PPIP5K2: variants seen among roughly 807,000 people sequenced by gnomAD.
The protein encoded by PPIP5K2 is inositol hexakisphosphate and diphosphoinositol-pentakisphosphate kinase 2.
A neutral mutation model predicts 154.6 loss-of-function variants in PPIP5K2; 105 were observed. The observed-to-expected ratio is 0.68, with a 90% CI of 0.58 to 0.80. The LOEUF (loss-of-function observed/expected upper bound fraction) is 0.80. Ranked by LOEUF, PPIP5K2 falls within the 30% of genes least tolerant of loss-of-function variation. PPIP5K2 has a pLI of 0.00. For missense variants in PPIP5K2, 992 were observed against 1,504.6 expected, an observed-to-expected ratio of 0.66 and a Z score of 5.64; for synonymous variants, 480 against 490.3, an observed-to-expected ratio of 0.98 and a Z score of 0.28.
intron 17 of PPIP5K2, among the ~76,000 whole-genome samples, chr5:103,159,626 G>A (rs1205195289): frequency 6.6e-6 from 1 of 151,722 alleles, no homozygotes; most frequent in African/African-American, 2.4e-5. Flanking sequence ...CTAATTTTTG[G>A]CTTTTTTCTA....
chr5:103,188,497 A>T (rs1554225845), intron 28 of PPIP5K2: 1 of 152,140 alleles, frequency 6.6e-6, no homozygotes, highest in Non-Finnish European at 1.5e-5. Flanking sequence ...ATCCTCAACA[A>T]GTAAAAATTT....
chr5:103,211,523 C>T lies in PPIP5K2; in HGVS notation c.*9889C>T, dbSNP rs192874440. 9 of 152,164 alleles carry T rather than the reference C, an allele frequency of 5.9e-5. No individual in the cohort carries two copies. The highest frequency in any genetic ancestry group is 2.2e-4 in the African/African-American group (9 of 41,528). The allele number at this position is 152,164 out of a possible 1,614,324, so 9.4% of individuals were successfully genotyped here. A position where few individuals can be genotyped will look rare whatever the true frequency, so the allele number is the denominator to read the frequency against. ...GTTTGTAATGTTAGCCTTGGAGATT[C>T]TACCTTAAAAATATCATTGAGAAAG... On this transcript the variant is annotated 3_prime_UTR_variant, in exon 31 of 31. Coordinates refer to ENST00000358359, the MANE Select transcript of PPIP5K2 (RefSeq NM_001276277.3).
At position 103,180,144 on chromosome 5, in the gene PPIP5K2, A is replaced by G. The variant is rs1554222178; in HGVS notation, c.2878A>G (p.Arg960Gly). The G allele has an allele frequency of 1.9e-6, 3 of 1,600,666 alleles. No homozygotes were observed. The highest frequency in any genetic ancestry group is 1.7e-5 in the Admixed American group (1 of 57,612). The change falls in exon 24 of 31, where the codon AGG becomes GGG. Residue 960 changes from arginine to glycine, a missense_variant. Transcript: ENST00000358359. ...GGTATCAGAGCCAATTCATATACACAGGAAGTCTCCACTTCCAAGATCTAG... is the reference window on the plus strand; with the variant it reads ...GGTATCAGAGCCAATTCATATACACGGGAAGTCTCCACTTCCAAGATCTAG... ...PMVSEPIHIH[R>G]KSPLPRSRKT...
chr5:103,194,374 G>A (rs868929712), intron 29 of PPIP5K2, among the ~76,000 whole-genome samples: 41 of 152,098 alleles, frequency 2.7e-4, no homozygotes, highest in South Asian at 2.1e-4. Context: ...GGCTGGTCTT[G>A]AACTCCTGGG....
rs782523215 is a variant in PPIP5K2 at position 103,177,808 on chromosome 5, CATAA to C, written c.2637+40_2637+43del. The C allele has an allele frequency of 4.4e-6, 7 of 1,593,962 alleles. No homozygotes were observed. The South Asian group carries it at 7.8e-5, about 18-fold the overall frequency. ...AGCTCTTGATTTGTGTTTTACCAGA[CATAA>C]ATAAAGAGCTTAAAGTTTCTCATTT... is the stretch of plus-strand genomic sequence containing the variant. On this transcript the variant is annotated intron_variant, in intron 22 of 30. Transcript: ENST00000358359.
rs112856077 is a variant in PPIP5K2 at position 103,199,577 on chromosome 5, A to T, written c.3620-1945A>T. On this transcript the variant is annotated intron_variant, in intron 30 of 30. Coordinates refer to ENST00000358359, the MANE Select transcript of PPIP5K2 (RefSeq NM_001276277.3). ...TGCTTGCTTTCAATGTTTTCTCTTTATCTTTGCTTTTCAGCAGGTTGACTA... is the reference window on the plus strand; with the variant it reads ...TGCTTGCTTTCAATGTTTTCTCTTTTTCTTTGCTTTTCAGCAGGTTGACTA... Among the ~76,000 whole-genome samples, 305 of 150,538 alleles carry T rather than the reference A, an allele frequency of 2.0e-3. 2 individuals carry two copies. The highest frequency in any genetic ancestry group is 3.1e-3 in the Non-Finnish European group (212 of 67,628).
At chr5:103,124,311 G>A (rs557560317) in intron 1 of PPIP5K2, among the ~76,000 whole-genome samples, 2 of 151,036 alleles carry the variant, frequency 1.3e-5, no homozygotes, top group Admixed American at 1.3e-4. Context: ...CTTGTACTAC[G>A]ACATATATCC....
rs1389815790 is a variant in PPIP5K2, at chr5:103,210,460, T to C, written c.*8826T>C. 6.6e-6 allele frequency: 1 copy of C among 152,058 alleles called. No homozygotes were observed. Among genetic ancestry groups the C allele is most frequent in the Non-Finnish European group, 1.5e-5 (1 of 67,972 alleles). The allele number at this position is 152,058 out of a possible 1,614,324, so 9.4% of individuals were successfully genotyped here. ...GAAGCCTCTTCAGAAAAGAGCAAAG[T>C]TGTCTGCTCTAATGGATAGAATAAG... On this transcript the variant is annotated 3_prime_UTR_variant, in exon 31 of 31. Coordinates refer to ENST00000358359, the MANE Select transcript of PPIP5K2 (RefSeq NM_001276277.3).
In PPIP5K2 at chr5:103,138,415, G is replaced by A. The variant is rs782190045; in HGVS notation, c.433G>A (p.Gly145Ser). The change falls in exon 5 of 31, where the codon GGT becomes AGT. Residue 145 changes from glycine (G) to serine (S), a missense_variant. By Grantham distance (56) the Gly-to-Ser change is moderately conservative (BLOSUM62 0). Transcript: ENST00000358359. ...REVYSILQAE[G>S]ILLPRYAILN... is the part of the protein sequence containing the mutation. Reference sequence around the variant, plus strand: ...AGTATATAGTATTCTTCAAGCTGAAGGTATTTTACTTCCTCGTTATGCTAT... The same window carrying A: ...AGTATATAGTATTCTTCAAGCTGAAAGTATTTTACTTCCTCGTTATGCTAT... The A allele has an allele frequency of 1.9e-6, 3 of 1,604,466 alleles. No individual in the cohort carries two copies. The highest frequency in any genetic ancestry group is 2.6e-6 in the Non-Finnish European group (3 of 1,172,696).
chr5:103,138,415 G>C lies in PPIP5K2; in HGVS notation c.433G>C (p.Gly145Arg), dbSNP rs782190045. Reference protein sequence around the residue: ...REVYSILQAEGILLPRYAILN... With the variant: ...REVYSILQAERILLPRYAILN... ...AGTATATAGTATTCTTCAAGCTGAA[G>C]GTATTTTACTTCCTCGTTATGCTAT... Residue 145 changes from glycine (G) to arginine (R), a missense_variant, in exon 5 of 31, where the codon GGT becomes CGT. Gly to Arg is a moderately radical substitution (Grantham distance 125). Transcript: ENST00000358359. 1.9e-6 allele frequency: 3 copies of C among 1,604,348 alleles called. No individual in the cohort carries two copies. The African/African-American group carries it at 4.0e-5, about 22-fold the overall frequency.
intron 30 of PPIP5K2, 147 bp from the exon 31 acceptor site, chr5:103,201,375 G>A: frequency 1.8e-6 from 1 of 559,520 alleles, no homozygotes; most frequent in South Asian, 2.9e-5. Context: ...AAAGTAAAAG[G>A]TTAAAAATGC....
At chr5:103,192,565 A>G (rs1801408428) in intron 29 of PPIP5K2, among the ~76,000 whole-genome samples, 1 of 152,144 alleles carries the variant, frequency 6.6e-6, no homozygotes, top group Admixed American at 6.6e-5. Context: ...AAGACTTGCA[A>G]TGAATGATTT....
chr5:103,155,963 T>C lies in PPIP5K2; in HGVS notation c.1458T>C (p.His486=). 1 of 1,603,144 alleles carries C rather than the reference T, an allele frequency of 6.2e-7. No individual in the cohort carries two copies. The highest frequency in any genetic ancestry group is 8.5e-7 in the Non-Finnish European group (1 of 1,170,248). Residue 486 remains histidine (H), a synonymous_variant, in exon 14 of 31, where the codon CAT becomes CAC. Coordinates refer to ENST00000358359, the MANE Select transcript of PPIP5K2 (RefSeq NM_001276277.3). ...AGGTTCAGTTGACCTATCTCCCTCA[T>C]GGTTGTCCTAAAACATCTAGTGAAG... ...NRKVQLTYLP[H]GCPKTSSEEE... is the part of the protein sequence containing the mutation.
At chr5:103,142,598 C>G (rs1203187323) in intron 5 of PPIP5K2, among the ~76,000 whole-genome samples, 2 of 152,174 alleles carry the variant, frequency 1.3e-5, no homozygotes, top group African/African-American at 4.8e-5. Context: ...GCTGTCACCT[C>G]TCAGTCTCTA....
chr5:103,166,850 C>T (rs1357883854), intron 17 of PPIP5K2, among the ~76,000 whole-genome samples: 1 of 151,840 alleles, frequency 6.6e-6, no homozygotes, highest in Non-Finnish European at 1.5e-5. Context: ...TAGAGGTCTT[C>T]ATCTTTATTT....
intron 13 of PPIP5K2, among the ~76,000 whole-genome samples, chr5:103,155,360 C>T (rs1481578428): frequency 3.0e-5 from 4 of 134,280 alleles, no homozygotes; most frequent in African/African-American, 1.1e-4. Flanking sequence ...AAAACACATA[C>T]ATCTGTGTTT....
chr5:103,161,242 G>A (rs1796189709), intron 17 of PPIP5K2, among the ~76,000 whole-genome samples: 2 of 152,012 alleles, frequency 1.3e-5, no homozygotes, highest in Non-Finnish European at 2.9e-5. Context: ...AGTTTGCTGA[G>A]AATGATGGTT....
intron 29 of PPIP5K2, among the ~76,000 whole-genome samples, chr5:103,191,965 C>T (rs541739277): frequency 7.9e-5 from 12 of 152,140 alleles, no homozygotes; most frequent in East Asian, 5.8e-4. Flanking sequence ...TTAGAGCTCT[C>T]GGAATGAATG....
chr5:103,180,433 T>C (rs1419630528), intron 24 of PPIP5K2, among the ~76,000 whole-genome samples: 1 of 152,190 alleles, frequency 6.6e-6, no homozygotes, highest in Non-Finnish European at 1.5e-5. Context: ...ATAAGCTGTT[T>C]CTAGGAACTT....
Sources: allele counts gnomAD v4.1 joint callset (sites outside exome capture counted in the v4.1 genomes callset), GRCh38; gene constraint gnomAD v4.1.1; transcripts MANE v1.5; gene names NCBI Gene and HGNC (gene_info 2026-07-23, HGNC 2026-07-21).